LAMB3: variants seen among roughly 807,000 people sequenced by gnomAD.
LAMB3 encodes the protein laminin subunit beta-3.
A neutral mutation model predicts 140.3 loss-of-function variants in LAMB3; 104 were observed. That is an observed-to-expected ratio of 0.74 (90% CI 0.63 to 0.87). LAMB3 has a LOEUF of 0.87. Ranked by LOEUF, LAMB3 falls within the 40% of genes least tolerant of loss-of-function variation. The pLI is 0.00. For synonymous variants in LAMB3, 592 were observed against 602.9 expected, an observed-to-expected ratio of 0.98 and a Z score of 0.26; for missense variants, 1,531 against 1,575.2, an observed-to-expected ratio of 0.97 and a Z score of 0.47.
Position 209,634,603 on chromosome 1 carries a change from G to A in LAMB3, c.408C>T (p.Ser136=). ...CTCGCCAGGTCTTACCGAAGTCTGA[G>A]GAGCGCTCAATCAGCATGCCGGCGG... ...PMPAGMLIER[S]SDFGKTWRVY... is the part of the protein sequence containing the mutation. The change falls in exon 6 of 23, where the codon TCC becomes TCT. Residue 136 remains serine, a synonymous_variant. Coordinates refer to ENST00000356082, the MANE Select transcript of LAMB3 (RefSeq NM_000228.3). 2 of 1,614,074 alleles carry A rather than the reference G, an allele frequency of 1.2e-6. No individual in the cohort carries two copies. Among genetic ancestry groups the A allele is most frequent in the Non-Finnish European group, 1.7e-6 (2 of 1,180,004 alleles).
rs74156219 is a variant in LAMB3, at chr1:209,639,897, G to A, written c.184-1249C>T. ...ACTGTCCCTCCACACACCCTGTACC[G>A]CTGCTTTCCTCTAAGCCTCCACTCA... On this transcript the variant is annotated intron_variant, in intron 3 of 22. Transcript: ENST00000356082. 3.5e-3 allele frequency among the ~76,000 whole-genome samples: 539 copies of A among 152,260 alleles called. 4 individuals are homozygous for A. The highest frequency in any genetic ancestry group is 0.013 in the African/African-American group (522 of 41,542).
rs116940526 is a variant in LAMB3 at position 209,620,365 on chromosome 1, C to T, written c.2702-1706G>A. 2.9e-3 allele frequency among the ~76,000 whole-genome samples: 437 copies of T among 152,270 alleles called. 8 individuals carry two copies. In the East Asian group the frequency reaches 0.065, roughly 23 times the overall value. On this transcript the variant is annotated intron_variant, in intron 18 of 22. Transcript: ENST00000356082. ...CCATGGAAGGGGCCCCCAGCGCCATCTGATAGGTCCAGGGAGGCTGCCTGG... is the reference window on the plus strand; with the variant it reads ...CCATGGAAGGGGCCCCCAGCGCCATTTGATAGGTCCAGGGAGGCTGCCTGG...
At position 209,633,005 on chromosome 1, in the gene LAMB3, T is replaced by C; in HGVS notation, c.628+65A>G. ...GAAAGACCAGGAAATTTCCATGACC[T>C]GGGCTCCAACTCTGTTTCCTTTCCC... is the stretch of plus-strand genomic sequence containing the variant. On this transcript the variant is annotated intron_variant, in intron 7 of 22. Transcript: ENST00000356082. 2.3e-6 allele frequency: 3 copies of C among 1,280,502 alleles called. 1 individual carries two copies. The South Asian group carries it at 3.6e-5, about 15-fold the overall frequency. The allele number at this position is 1,280,502 out of a possible 1,614,324, so 79.3% of individuals were successfully genotyped here.
rs1245735034 is a variant in LAMB3 at position 209,650,100 on chromosome 1, T to C, written c.47A>G (p.His16Arg). 4 of 1,613,624 alleles carry C rather than the reference T, an allele frequency of 2.5e-6. No homozygotes were observed. The highest frequency in any genetic ancestry group is 2.2e-5 in the East Asian group (1 of 44,878). The change falls in exon 3 of 23, where the codon CAT becomes CGT. Residue 16 changes from histidine to arginine, a missense_variant. His to Arg is a conservative substitution (Grantham distance 29). Coordinates refer to ENST00000356082, the MANE Select transcript of LAMB3 (RefSeq NM_000228.3). ...LLCFALPGLLHAQQACSRGAC... is the reference protein window; with the variant it reads ...LLCFALPGLLRAQQACSRGAC... ...CCCACGGGAGCAGGCTTGTTGGGCA[T>C]GCAGGAGGCCAGGCAGGGCTGAAAT...
At chr1:209,619,942 G>A (rs1377550708) in intron 18 of LAMB3, among the ~76,000 whole-genome samples, 1 of 152,228 alleles carries the variant, frequency 6.6e-6, no homozygotes, top group African/African-American at 2.4e-5. Context: ...GTTTATCCCA[G>A]CAGCAAGCTT....
At chr1:209,619,845 T>C (rs1022597561) in intron 18 of LAMB3, among the ~76,000 whole-genome samples, 1 of 152,206 alleles carries the variant, frequency 6.6e-6, no homozygotes, top group African/African-American at 2.4e-5. Context: ...GGAAGGACAC[T>C]CCTGGAGGGT....
chr1:209,632,987 C>T, intron 7 of LAMB3, 83 bp downstream of exon 7: 1 of 1,187,494 alleles, frequency 8.4e-7, no homozygotes, highest in South Asian at 1.2e-5. Context: ...CATGAAAGAC[C>T]AGGAAATTTC....
Position 209,614,978 on chromosome 1 carries a change from T to C in LAMB3, c.*293A>G, listed in dbSNP as rs940963307. The C allele has an allele frequency of 5.1e-6, 2 of 395,198 alleles. No homozygotes were observed. The highest frequency in any genetic ancestry group is 9.1e-6 in the Non-Finnish European group (2 of 218,612). The allele number at this position is 395,198 out of a possible 1,614,324, so 24.5% of individuals were successfully genotyped here. A position where few individuals can be genotyped will look rare whatever the true frequency, so the allele number is the denominator to read the frequency against. Reference sequence around the variant, plus strand: ...TGCTTGGTCCAGGATTCCTCCCCAGTGGAGAACTAAAGGCGGGGGATACTG... The same window carrying C: ...TGCTTGGTCCAGGATTCCTCCCCAGCGGAGAACTAAAGGCGGGGGATACTG... On this transcript the variant is annotated 3_prime_UTR_variant, in exon 23 of 23. Transcript: ENST00000356082.
At position 209,643,819 on chromosome 1, in the gene LAMB3, A is replaced by G. The variant is rs1484817550; in HGVS notation, c.184-5171T>C. 3.3e-5 allele frequency among the ~76,000 whole-genome samples: 5 copies of G among 152,346 alleles called. 1 individual carries two copies. Among genetic ancestry groups the G allele is most frequent in the Non-Finnish European group, 7.3e-5 (5 of 68,030 alleles). The stretch of plus-strand genomic sequence containing the variant: ...CCAGGGCCAAAAGCAAAAAAAAAAA[A>G]AAAATCTAGCTGCCTTCAAGAAAAT... On this transcript the variant is annotated intron_variant, in intron 3 of 22. Transcript: ENST00000356082.
Position 209,651,137 on chromosome 1 carries a change from G to A in LAMB3, c.-37-156C>T, listed in dbSNP as rs1370616372. 22 of 655,282 alleles carry A rather than the reference G, an allele frequency of 3.4e-5. No individual in the cohort carries two copies. The East Asian group carries it at 3.4e-4, about 10-fold the overall frequency. The allele number at this position is 655,282 out of a possible 1,614,324, so 40.6% of individuals were successfully genotyped here. Reference sequence around the variant, plus strand: ...GGAGCAGCAGATACATTTGTAGCTTGGAAAATGCTGGAGCTCTAGACCCTT... The same window carrying A: ...GGAGCAGCAGATACATTTGTAGCTTAGAAAATGCTGGAGCTCTAGACCCTT... On this transcript the variant is annotated intron_variant, in intron 1 of 22. Transcript: ENST00000356082.
At chr1:209,640,615 C>T (rs2076460168) in intron 3 of LAMB3, among the ~76,000 whole-genome samples, 1 of 151,942 alleles carries the variant, frequency 6.6e-6, no homozygotes, top group South Asian at 2.1e-4. Context: ...ACTCACTGTG[C>T]ATTCCCTTGC....
At position 209,649,948 on chromosome 1, in the gene LAMB3, G is replaced by A. The variant is rs777392521; in HGVS notation, c.183+16C>T. Reference sequence around the variant, plus strand: ...TCCCATCCCGCCTTCCTCCAGTCCTGGGAAGTAGGGCCTACCTCGCCATAC... The same window carrying A: ...TCCCATCCCGCCTTCCTCCAGTCCTAGGAAGTAGGGCCTACCTCGCCATAC... On this transcript the variant is annotated intron_variant, in intron 3 of 22. Coordinates refer to ENST00000356082, the MANE Select transcript of LAMB3 (RefSeq NM_000228.3). The A allele has an allele frequency of 6.2e-7, 1 of 1,614,038 alleles. No homozygotes were observed. The highest frequency in any genetic ancestry group is 1.7e-5 in the Admixed American group (1 of 60,030).
intron 3 of LAMB3, among the ~76,000 whole-genome samples, chr1:209,639,323 C>T (rs2076442901): frequency 6.6e-6 from 1 of 152,198 alleles, no homozygotes; most frequent in East Asian, 1.9e-4. Context: ...AAAGGCCCTG[C>T]CCTCAGGGAC....
At position 209,634,502 on chromosome 1, in the gene LAMB3, T is replaced by C; in HGVS notation, c.509A>G (p.Asp170Gly). 6 of 1,614,062 alleles carry C rather than the reference T, an allele frequency of 3.7e-6. No homozygotes were observed. The highest frequency in any genetic ancestry group is 5.1e-6 in the Non-Finnish European group (6 of 1,179,998). Residue 170 changes from aspartate (D) to glycine (G), a missense_variant, in exon 6 of 23, where the codon GAT becomes GGT. Physicochemically the swap from Asp to Gly is moderately conservative, Grantham distance 94. Transcript: ENST00000356082. ...CTGAGGCAGGGACTGGCACCGAACA[T>C]CCTGCCAGCTCTGAGGCCGACCCTG... is the stretch of plus-strand genomic sequence containing the variant. ...VRQGRPQSWQ[D>G]VRCQSLPQRP...
At chr1:209,651,145 C>T in intron 1 of LAMB3, 164 bp from the exon 2 acceptor site, 1 of 646,784 alleles carries the variant, frequency 1.5e-6, no homozygotes, top group South Asian at 1.7e-5. Flanking sequence ...TTGGAAAATG[C>T]TGGAGCTCTA....
intron 18 of LAMB3, among the ~76,000 whole-genome samples, chr1:209,619,561 C>T (rs980937190): frequency 1.3e-5 from 2 of 152,190 alleles, no homozygotes; most frequent in Non-Finnish European, 1.5e-5. Context: ...GAAGGTACAA[C>T]ATGAAACAAT....
Position 209,623,063 on chromosome 1 carries a change from G to A in LAMB3, c.2475C>T (p.Ala825=), listed in dbSNP as rs550033087. The part of the protein sequence containing the change: ...GSRCRGVLPR[A]GGAFLMAGQV... ...GCCCCGCCATCAAGAAGGCCCCACC[G>A]GCCCTGGGAAGGACACCCCTGCAGC... The change falls in exon 17 of 23, where the codon GCC becomes GCT. Residue 825 remains alanine (A), a synonymous_variant. Transcript: ENST00000356082. The surrounding 1 kb of genome is among the most constrained non-coding windows in gnomAD (Gnocchi z 4.2). 2.9e-5 allele frequency: 47 copies of A among 1,614,142 alleles called. No homozygotes were observed. Among genetic ancestry groups the A allele is most frequent in the African/African-American group, 2.5e-4 (19 of 75,038 alleles).
Position 209,617,427 on chromosome 1 carries a change from C to T in LAMB3, c.3211G>A (p.Ala1071Thr), listed in dbSNP as rs746310687. 1.9e-6 allele frequency: 3 copies of T among 1,612,726 alleles called. No homozygotes were observed. The highest frequency in any genetic ancestry group is 1.7e-5 in the Admixed American group (1 of 60,028). The change falls in exon 21 of 23, where the codon GCA becomes ACA. Residue 1071 changes from alanine to threonine, a missense_variant. Coordinates refer to ENST00000356082, the MANE Select transcript of LAMB3 (RefSeq NM_000228.3). ...QQLAEGASEQ[A>T]LSAQEGFERI... ...CTCTGTACCTCTTGGGCACTCAATG[C>T]CTGCTCGCTGGCACCTTCCGCAAGC...
intron 21 of LAMB3, 122 bp from the exon 22 acceptor site, chr1:209,616,746 C>T (rs1033723584): frequency 6.4e-6 from 6 of 931,536 alleles, no homozygotes; most frequent in Non-Finnish European, 1.0e-5. Flanking sequence ...TATTAGCCCC[C>T]AATAGCATTG....
Sources: allele counts gnomAD v4.1 joint callset (sites outside exome capture counted in the v4.1 genomes callset), GRCh38; gene constraint gnomAD v4.1.1; non-coding constraint Gnocchi (gnomAD v3.1); transcripts MANE v1.5; gene names NCBI Gene and HGNC (gene_info 2026-07-23, HGNC 2026-07-21).